DNAAF11: variants seen among roughly 807,000 people sequenced by gnomAD.
The protein encoded by DNAAF11 is leucine rich repeat containing 6.
Under a neutral mutation model 60.8 loss-of-function variants are expected in DNAAF11, and 45 were observed. The observed-to-expected ratio is 0.74, with a 90% confidence interval of 0.58 to 0.95. The LOEUF (loss-of-function observed/expected upper bound fraction) is 0.95, where lower values mean the gene tolerates loss of function less well. Ranked by LOEUF, DNAAF11 falls within the 40% of genes least tolerant of loss-of-function variation. The pLI, the probability that DNAAF11 is intolerant of heterozygous loss-of-function variation, is 0.00. For synonymous variants in DNAAF11, 191 were observed against 183.5 expected (o/e 1.04, Z -0.33); for missense variants, 546 against 546.2 (o/e 1.00, Z 0.00).
In DNAAF11 at chr8:132,610,146, A is replaced by G; in HGVS notation, c.1140+20T>C. 6.3e-7 allele frequency: 1 copy of G among 1,586,614 alleles called. No homozygotes were observed. Among genetic ancestry groups the G allele is most frequent in the Non-Finnish European group, 8.7e-7 (1 of 1,155,204 alleles). The stretch of plus-strand genomic sequence containing the variant: ...ACCCTCATATCCAGACTTGAAATTG[A>G]CCCAAATGACATGACCTACCTTGGG... On this transcript the variant is annotated intron_variant, in intron 10 of 11. Transcript: ENST00000620350.
intron 3 of DNAAF11, among the ~76,000 whole-genome samples, chr8:132,651,430 A>G (rs967211474): frequency 2.0e-5 from 3 of 152,114 alleles, no homozygotes; most frequent in African/African-American, 4.8e-5. Context: ...ACAAAAGTAC[A>G]TATTTGCCAG....
the DNAAF11 span, among the ~76,000 whole-genome samples, chr8:132,680,667 T>C: frequency 6.6e-6 from 1 of 152,124 alleles, no homozygotes; most frequent in East Asian, 1.9e-4. Flanking sequence ...CTTCCTTTCA[T>C]TGTCCTGTTC....
chr8:132,637,019 T>C (rs1375097031), intron 4 of DNAAF11, among the ~76,000 whole-genome samples: 4 of 152,172 alleles, frequency 2.6e-5, no homozygotes, highest in African/African-American at 7.2e-5. Flanking sequence ...TGGGAACTCT[T>C]AGAATTACAT....
At chr8:132,606,958 T>TA (rs751636493) in intron 10 of DNAAF11, among the ~76,000 whole-genome samples, 3 of 152,240 alleles carry the variant, frequency 2.0e-5, no homozygotes, top group Non-Finnish European at 2.9e-5. Flanking sequence ...GTAAAAATGT[T>TA]ACAGTTGTTT....
At chr8:132,588,384 T>G (rs1010173070) in intron 10 of DNAAF11, among the ~76,000 whole-genome samples, 1 of 152,198 alleles carries the variant, frequency 6.6e-6, no homozygotes, top group African/African-American at 2.4e-5. Flanking sequence ...ACAATAAATT[T>G]ATCTTTCTCT....
At chr8:132,602,209 T>C (rs1467301827) in intron 10 of DNAAF11, among the ~76,000 whole-genome samples, 1 of 152,158 alleles carries the variant, frequency 6.6e-6, no homozygotes, top group Non-Finnish European at 1.5e-5. Context: ...TAAACCACTT[T>C]TGTATTTTCT....
At chr8:132,634,680 A>T (rs1821119533) in intron 4 of DNAAF11, among the ~76,000 whole-genome samples, 2 of 150,056 alleles carry the variant, frequency 1.3e-5, no homozygotes, top group Non-Finnish European at 3.0e-5. Context: ...AAAAGTAAAT[A>T]TATTTATATA....
intron 10 of DNAAF11, among the ~76,000 whole-genome samples, chr8:132,595,233 C>A (rs1222355805): frequency 6.6e-6 from 1 of 151,216 alleles, no homozygotes; most frequent in Non-Finnish European, 1.5e-5. Context: ...CCGGTGGGAA[C>A]AAGGTTCCAG....
At chr8:132,676,907 A>AT, upstream of DNAAF11, among the ~76,000 whole-genome samples, 1 of 152,326 alleles carries the variant, frequency 6.6e-6, no homozygotes, top group East Asian at 1.9e-4. Context: ...CACTCAAACT[A>AT]TAAACTTACC....
intron 4 of DNAAF11, among the ~76,000 whole-genome samples, chr8:132,637,070 T>C (rs77097348): frequency 0.015 from 2,211 of 152,304 alleles, 66 homozygotes; most frequent in African/African-American, 0.05. Context: ...TGTTGTATGA[T>C]TTCTCAAGAA....
In DNAAF11 at chr8:132,620,287, GA is replaced by G. The variant is rs1382451333; in HGVS notation, c.914+2323del. Among the ~76,000 whole-genome samples the G allele has an allele frequency of 7.9e-5, 12 of 152,038 alleles. No individual in the cohort carries two copies. In the South Asian group the frequency reaches 1.5e-3, roughly 18 times the overall value. Reference sequence around the variant, plus strand: ...TTGTGAGGTGAGGATGATGGAAAGAGAAAAAAACAAGAAAGCTGAAGACAAA... The same window carrying G: ...TTGTGAGGTGAGGATGATGGAAAGAGAAAAAACAAGAAAGCTGAAGACAAA... On this transcript the variant is annotated intron_variant, in intron 7 of 11. Coordinates refer to ENST00000620350, the MANE Select transcript of DNAAF11 (RefSeq NM_012472.6).
intron 3 of DNAAF11, among the ~76,000 whole-genome samples, chr8:132,638,499 T>G (rs533503814): frequency 9.2e-5 from 14 of 152,334 alleles, no homozygotes; most frequent in Non-Finnish European, 1.9e-4. Flanking sequence ...ACCTGGAACC[T>G]GTCCTCTTGA....
At chr8:132,597,813 T>C (rs951993057) in intron 10 of DNAAF11, among the ~76,000 whole-genome samples, 2 of 152,226 alleles carry the variant, frequency 1.3e-5, no homozygotes, top group African/African-American at 4.8e-5. Context: ...ATACATTTCA[T>C]TGTATCTACT....
rs181776453 is a variant in DNAAF11 at position 132,672,835 on chromosome 8, G to A, written c.10+2649C>T. On this transcript the variant is annotated intron_variant, in intron 1 of 11. Coordinates refer to ENST00000620350, the MANE Select transcript of DNAAF11 (RefSeq NM_012472.6). ...GGGAAGCTCGTATCCTAGGTTCGAC[G>A]TCTCTCCTGACTGACGGGATGTGAC... Among the ~76,000 whole-genome samples the A allele has an allele frequency of 3.1e-3, 471 of 152,278 alleles. 1 individual carries two copies. Among genetic ancestry groups the A allele is most frequent in the Non-Finnish European group, 5.6e-3 (380 of 68,032 alleles).
chr8:132,577,067 G>A lies in DNAAF11; in HGVS notation c.1227-4587C>T, dbSNP rs566803984. Among the ~76,000 whole-genome samples the A allele has an allele frequency of 1.8e-3, 270 of 152,296 alleles. 2 individuals carry two copies. The highest frequency in any genetic ancestry group is 5.6e-3 in the African/African-American group (234 of 41,562). On this transcript the variant is annotated intron_variant, in intron 11 of 11. Transcript: ENST00000620350. The stretch of plus-strand genomic sequence containing the variant: ...GAAACTTTCATTAACTGAATGCACC[G>A]TGGATTAAGAAGCAGAACATTATCA...
At chr8:132,632,642 A>G (rs1183628782) in intron 5 of DNAAF11, 98 bp downstream of exon 5, 1 of 782,510 alleles carries the variant, frequency 1.3e-6, no homozygotes, top group Non-Finnish European at 2.2e-6. Context: ...CTTCAAATTA[A>G]TCTGGAATAT....
rs192166025 is a variant in DNAAF11, at chr8:132,671,432, A to C, written c.10+4052T>G. 3.1e-3 allele frequency among the ~76,000 whole-genome samples: 470 copies of C among 152,288 alleles called. 10 individuals are homozygous for C. Among genetic ancestry groups the C allele is most frequent in the Non-Finnish European group, 1.1e-3 (78 of 68,006 alleles). On this transcript the variant is annotated intron_variant, in intron 1 of 11. Transcript: ENST00000620350. ...CCTTGTTTTTGGGTCAGAAGATTCAATATTGTTAAGATACTCATTCTCCCC... is the reference window on the plus strand; with the variant it reads ...CCTTGTTTTTGGGTCAGAAGATTCACTATTGTTAAGATACTCATTCTCCCC...
At chr8:132,651,620 T>C (rs1823020950) in intron 3 of DNAAF11, among the ~76,000 whole-genome samples, 1 of 151,954 alleles carries the variant, frequency 6.6e-6, no homozygotes, top group Non-Finnish European at 1.5e-5. Context: ...AAAAAGACAA[T>C]AGTGACGATG....
chr8:132,687,283 G>C, the DNAAF11 span, among the ~76,000 whole-genome samples: 1 of 152,156 alleles, frequency 6.6e-6, no homozygotes, highest in East Asian at 1.9e-4. Flanking sequence ...TATCAGAATG[G>C]AAATGATTCA....
Sources: allele counts gnomAD v4.1 joint callset (sites outside exome capture counted in the v4.1 genomes callset), GRCh38; gene constraint gnomAD v4.1.1; transcripts MANE v1.5; gene names NCBI Gene and HGNC (gene_info 2026-07-23, HGNC 2026-07-21).